The following KDM6A variants were observed in gnomAD, a reference collection of about 807,000 sequenced individuals.
The protein encoded by KDM6A is lysine-specific demethylase 6A.
A neutral mutation model predicts 117.6 loss-of-function variants in KDM6A; 11 were observed. The ratio of observed to expected loss-of-function variants is 0.09; its 90% CI spans 0.06 to 0.15. The LOEUF (loss-of-function observed/expected upper bound fraction) is 0.15, where lower values mean the gene tolerates loss of function less well. Ranked by LOEUF, KDM6A falls within the 10% of genes least tolerant of loss-of-function variation. The pLI, the probability that KDM6A is intolerant of heterozygous loss-of-function variation, is 1.00. For synonymous variants in KDM6A, 384 were observed against 396.1 expected (o/e 0.97, Z 0.36); for missense variants, 799 against 1,077.3 (o/e 0.74, Z 3.62).
intron 2 of KDM6A, among the ~76,000 whole-genome samples, chrX:44,894,173 G>A (rs1378877170): frequency 1.8e-5 from 2 of 111,771 alleles, no homozygotes; most frequent in African/African-American, 6.5e-5. Context: ...AGAGATACTG[G>A]TTTGTAGGTA....
intron 2 of KDM6A, among the ~76,000 whole-genome samples, chrX:44,948,252 C>T (rs1206525601): frequency 9.0e-6 from 1 of 111,617 alleles, no homozygotes; most frequent in Admixed American, 9.6e-5. Context: ...CTTTGGCTGC[C>T]CTGGCGTCCT....
chrX:45,048,276 T>A (rs1262795161), intron 8 of KDM6A, among the ~76,000 whole-genome samples: 1 of 111,149 alleles, frequency 9.0e-6, no homozygotes, highest in Non-Finnish European at 1.9e-5. Flanking sequence ...TTCATAAGTT[T>A]AATAATTTTT....
chrX:45,031,806 T>A (rs569830326), intron 6 of KDM6A, among the ~76,000 whole-genome samples: 10 of 111,754 alleles, frequency 8.9e-5, no homozygotes, highest in African/African-American at 2.6e-4. Context: ...AAGTTTTATG[T>A]GTTAATTACA....
chrX:44,995,040 G>T (rs2040799453), intron 4 of KDM6A, among the ~76,000 whole-genome samples: 1 of 111,873 alleles, frequency 8.9e-6, no homozygotes, highest in Non-Finnish European at 1.9e-5. Flanking sequence ...TTGAAATTTT[G>T]ATTTCAATTT....
At chrX:45,056,640 A>G (rs1602773957) in intron 10 of KDM6A, among the ~76,000 whole-genome samples, 1 of 111,775 alleles carries the variant, frequency 8.9e-6, no homozygotes, top group East Asian at 2.8e-4. Context: ...GTATGAGAGC[A>G]GGGATTAGAC....
chrX:44,946,078 G>A (rs949784700), intron 2 of KDM6A, among the ~76,000 whole-genome samples: 2 of 112,321 alleles, frequency 1.8e-5, no homozygotes, highest in Non-Finnish European at 3.8e-5. Context: ...CTTGCCATTT[G>A]TGGATCACAG....
chrX:45,037,745 T>C, intron 8 of KDM6A, 56 bp downstream of exon 8: 2 of 909,494 alleles, frequency 2.2e-6, no homozygotes, highest in Non-Finnish European at 3.2e-6. Flanking sequence ...TCATTACTCC[T>C]ATCATGCTTT....
rs186504046 is a variant in KDM6A at position 44,950,236 on chromosome X, G to A, written c.226-11048G>A. Reference sequence around the variant, plus strand: ...TCACCATATTGGCCAGCCTGGTCTCGAACTCCTGACATCGTGATCCACCCG... The same window carrying A: ...TCACCATATTGGCCAGCCTGGTCTCAAACTCCTGACATCGTGATCCACCCG... On this transcript the variant is annotated intron_variant, in intron 2 of 29. Coordinates refer to ENST00000611820, the MANE Select transcript of KDM6A (RefSeq NM_001291415.2). 6.0e-3 allele frequency among the ~76,000 whole-genome samples: 660 copies of A among 110,420 alleles called. 5 individuals are homozygous for A. The highest frequency in any genetic ancestry group is 0.02 in the African/African-American group (622 of 30,461).
intron 2 of KDM6A, among the ~76,000 whole-genome samples, chrX:44,909,156 T>G (rs2034921652): frequency 8.9e-6 from 1 of 112,028 alleles, no homozygotes; most frequent in African/African-American, 3.2e-5. Context: ...CATCATAGAT[T>G]AATTTTGTTT....
chrX:45,079,312 T>C lies in KDM6A; in HGVS notation c.3261T>C (p.Tyr1087=), dbSNP rs867558265. The change falls in exon 21 of 30, where the codon TAT becomes TAC. Residue 1087 remains tyrosine (Y), a synonymous_variant. Transcript: ENST00000611820. ...GATCTCATACTACAATTGCTAAATA[T>C]GCACAGTACCAGGCCTCCTCATTCC... ...SNRSHTTIAK[Y]AQYQASSFQE... is the part of the protein sequence containing the mutation. 18 of 1,196,057 alleles carry C rather than the reference T, an allele frequency of 1.5e-5. No individual in the cohort carries two copies. In the Middle Eastern group the frequency reaches 3.2e-3, roughly 214 times the overall value.
chrX:44,972,908 G>T (rs746926963), intron 3 of KDM6A, among the ~76,000 whole-genome samples: 4 of 109,924 alleles, frequency 3.6e-5, no homozygotes, highest in African/African-American at 9.9e-5. Context: ...GGTGGCACGC[G>T]CCTGTAATCC....
rs2147776550 is a variant in KDM6A, at chrX:45,034,944, C to T, written c.578C>T (p.Ala193Val). The change falls in exon 7 of 30, where the codon GCT becomes GTT. Residue 193 changes from alanine (A) to valine (V), a missense_variant. This residue lies in a region of KDM6A where 63 missense variants were observed against 68.2 expected (regional missense o/e 0.92). Coordinates refer to ENST00000611820, the MANE Select transcript of KDM6A (RefSeq NM_001291415.2). ...CTCGTCTTGCAGCATTTTCAGTTAGCTTTGGTTGACTGTAATCCCTGCACT... is the reference window on the plus strand; with the variant it reads ...CTCGTCTTGCAGCATTTTCAGTTAGTTTTGGTTGACTGTAATCCCTGCACT... ...YESSLKHFQLALVDCNPCTLS... is the reference protein window; with the variant it reads ...YESSLKHFQLVLVDCNPCTLS... 1 of 1,206,803 alleles carries T rather than the reference C, an allele frequency of 8.3e-7. No homozygotes were observed. Among genetic ancestry groups the T allele is most frequent in the Non-Finnish European group, 1.1e-6 (1 of 891,057 alleles).
chrX:44,910,377 C>T (rs1447160712), intron 2 of KDM6A, among the ~76,000 whole-genome samples: 2 of 110,754 alleles, frequency 1.8e-5, no homozygotes, highest in African/African-American at 3.3e-5. Context: ...TTAGTAGAGG[C>T]GGAGTTTTGT....
intron 27 of KDM6A, among the ~76,000 whole-genome samples, chrX:45,101,546 T>C (rs758043076): frequency 2.9e-4 from 32 of 110,738 alleles, no homozygotes; most frequent in African/African-American, 8.9e-4. Context: ...CTAGCTTTTT[T>C]GAGTAGAGAT....
intron 25 of KDM6A, among the ~76,000 whole-genome samples, chrX:45,087,698 G>C (rs2045703593): frequency 8.9e-6 from 1 of 111,930 alleles, no homozygotes; most frequent in South Asian, 3.7e-4. Context: ...TTCTGAGTAG[G>C]GACTGGCTAT....
In KDM6A at chrX:45,063,729, G is replaced by A. The variant is rs973676174; in HGVS notation, c.1991G>A (p.Arg664Gln). 5.8e-6 allele frequency: 7 copies of A among 1,205,738 alleles called. No individual in the cohort carries two copies. Among genetic ancestry groups the A allele is most frequent in the African/African-American group, 5.3e-5 (3 of 57,009 alleles). ...AATGGAAACGTGCCTTACCTGCAGC[G>A]AAACGCACTCACTCTACCTCATAAC... Reference protein sequence around the residue: ...GSNGNVPYLQRNALTLPHNRT... With the variant: ...GSNGNVPYLQQNALTLPHNRT... The change falls in exon 17 of 30, where the codon CGA (arginine) becomes CAA (glutamine). Residue 664 changes from arginine to glutamine, a missense_variant. Arg to Gln is a conservative substitution (Grantham distance 43). Transcript: ENST00000611820.
chrX:45,038,225 G>GA (rs900041257), intron 8 of KDM6A, among the ~76,000 whole-genome samples: 1 of 111,026 alleles, frequency 9.0e-6, no homozygotes, highest in Admixed American at 9.5e-5. Flanking sequence ...TCTGTCTCAA[G>GA]AAAAAAAGAA....
intron 3 of KDM6A, among the ~76,000 whole-genome samples, chrX:44,963,315 T>A (rs996279303): frequency 1.3e-4 from 14 of 109,309 alleles, no homozygotes; most frequent in Non-Finnish European, 2.7e-4. Context: ...AAAATTTAGC[T>A]GAGTATGGTG....
Position 44,937,906 on chromosome X carries a change from C to G in KDM6A, c.226-23378C>G, listed in dbSNP as rs765147271. Among the ~76,000 whole-genome samples the G allele has an allele frequency of 4.5e-5, 5 of 111,763 alleles. No individual in the cohort carries two copies. The South Asian group carries it at 1.9e-3, about 42-fold the overall frequency. On this transcript the variant is annotated intron_variant, in intron 2 of 29. Coordinates refer to ENST00000611820, the MANE Select transcript of KDM6A (RefSeq NM_001291415.2). ...ACAGAGTCTCACTTTGTTGCCCAGG[C>G]TGGAGTGCAGCGGCATGATATGGTG... is the stretch of plus-strand genomic sequence containing the variant.
Sources: allele counts gnomAD v4.1 joint callset (sites outside exome capture counted in the v4.1 genomes callset), GRCh38; gene constraint gnomAD v4.1.1; regional missense constraint gnomAD v4.1.1; transcripts MANE v1.5; gene names NCBI Gene and HGNC (gene_info 2026-07-23, HGNC 2026-07-21).